FANCC: variants seen among roughly 807,000 people sequenced by gnomAD.
FANCC encodes FA complementation group C.
In FANCC, 55 loss-of-function variants were observed where a neutral mutation model predicts 71.3. The ratio of observed to expected loss-of-function variants is 0.77; its 90% confidence interval spans 0.62 to 0.97. FANCC has a LOEUF of 0.97. FANCC is among the 50% of genes least tolerant of loss of function. The pLI, the probability that FANCC is intolerant of heterozygous loss-of-function variation, is 0.00. For missense variants in FANCC, 678 were observed against 670.9 expected (o/e 1.01, Z -0.12); for synonymous variants, 275 against 244.9 (o/e 1.12, Z -1.15).
chr9:95,241,249 C>T (rs950680569), intron 3 of FANCC, among the ~76,000 whole-genome samples: 2 of 152,162 alleles, frequency 1.3e-5, no homozygotes, highest in Non-Finnish European at 2.9e-5. Context: ...AATAGCTCCA[C>T]TTGTTAAAAA....
intron 4 of FANCC, among the ~76,000 whole-genome samples, chr9:95,185,872 G>T (rs1260213114): frequency 6.6e-6 from 1 of 152,112 alleles, no homozygotes; most frequent in Non-Finnish European, 1.5e-5. Flanking sequence ...TGACAATTTT[G>T]CCTCTTTCAT....
At chr9:95,284,667 C>T (rs934140993) in intron 1 of FANCC, among the ~76,000 whole-genome samples, 1 of 152,062 alleles carries the variant, frequency 6.6e-6, no homozygotes, top group East Asian at 1.9e-4. Flanking sequence ...AATCTCAGCT[C>T]TGATCCACAC....
chr9:95,301,384 A>G (rs1271672507), intron 1 of FANCC, among the ~76,000 whole-genome samples: 1 of 152,168 alleles, frequency 6.6e-6, no homozygotes, highest in Non-Finnish European at 1.5e-5. Flanking sequence ...CTTCAAAAAT[A>G]AGTGCTGGTG....
chr9:95,239,771 A>G (rs4647443), intron 4 of FANCC, among the ~76,000 whole-genome samples: 69,648 of 152,038 alleles, frequency 0.46, 16,158 homozygotes, highest in East Asian at 0.59. Context: ...ATCTGTTAGC[A>G]ATTTTGTCTA....
At chr9:95,164,975 C>A (rs144886392) in intron 6 of FANCC, among the ~76,000 whole-genome samples, 2 of 152,134 alleles carry the variant, frequency 1.3e-5, no homozygotes, top group Admixed American at 6.5e-5. Context: ...AGTTGTAGGT[C>A]TGTTCAGATG....
At chr9:95,228,880 G>A (rs968335824) in intron 4 of FANCC, among the ~76,000 whole-genome samples, 2 of 152,162 alleles carry the variant, frequency 1.3e-5, no homozygotes, top group Admixed American at 6.5e-5. Context: ...GTGAGAATAT[G>A]AGAGAAAATC....
chr9:95,161,582 C>T (rs1830749408), intron 6 of FANCC, among the ~76,000 whole-genome samples: 1 of 152,150 alleles, frequency 6.6e-6, no homozygotes, highest in Non-Finnish European at 1.5e-5. Context: ...TTAGTTTACA[C>T]TTTCCTGAAA....
At chr9:95,226,387 T>C (rs889101749) in intron 4 of FANCC, among the ~76,000 whole-genome samples, 1 of 152,210 alleles carries the variant, frequency 6.6e-6, no homozygotes, top group African/African-American at 2.4e-5. Flanking sequence ...TAGTCCCTGA[T>C]CTATGCTCTA....
At chr9:95,107,611 G>A (rs575419756) in intron 13 of FANCC, 4 of 415,396 alleles carry the variant, frequency 9.6e-6, no homozygotes, top group East Asian at 4.4e-5. Flanking sequence ...TTGAAGACTC[G>A]CCTATCACAG....
intron 14 of FANCC, among the ~76,000 whole-genome samples, chr9:95,102,080 C>T (rs1000749740): frequency 2.6e-5 from 4 of 152,192 alleles, no homozygotes; most frequent in African/African-American, 4.8e-5. Context: ...CGAGCCTCCT[C>T]GCATTGAGCT....
intron 12 of FANCC, 103 bp from the exon 13 acceptor site, chr9:95,111,740 C>T: frequency 7.2e-7 from 1 of 1,385,038 alleles, no homozygotes; most frequent in South Asian, 1.2e-5. Context: ...TTAAATTGTA[C>T]TTATCCACTG....
At chr9:95,113,196 C>A (rs4647530) in intron 12 of FANCC, among the ~76,000 whole-genome samples, 1 of 152,150 alleles carries the variant, frequency 6.6e-6, no homozygotes, top group African/African-American at 2.4e-5. Flanking sequence ...TGGTCTCTGT[C>A]GGTAAGAATC....
At chr9:95,303,210 TTTTA>T (rs1834860368) in intron 1 of FANCC, among the ~76,000 whole-genome samples, 1 of 152,206 alleles carries the variant, frequency 6.6e-6, no homozygotes, top group Non-Finnish European at 1.5e-5. Context: ...GAATTTTGAA[TTTTA>T]TTTAATTTTA....
At chr9:95,202,560 G>T (rs73534874) in intron 4 of FANCC, among the ~76,000 whole-genome samples, 3,491 of 152,324 alleles carry the variant, frequency 0.023, 140 homozygotes, top group African/African-American at 0.08. Context: ...TATGCTCAGG[G>T]CGAAAGAACC....
At chr9:95,238,055 A>T (rs1421569843) in intron 4 of FANCC, among the ~76,000 whole-genome samples, 1 of 152,150 alleles carries the variant, frequency 6.6e-6, no homozygotes, top group Non-Finnish European at 1.5e-5. Context: ...ATGAATGAGC[A>T]CTCATTCTCC....
At chr9:95,251,325 A>T (rs770646156) in intron 1 of FANCC, among the ~76,000 whole-genome samples, 7 of 150,930 alleles carry the variant, frequency 4.6e-5, no homozygotes, top group Non-Finnish European at 1.0e-4. Context: ...TATGTTATGT[A>T]TTTTTTTTTA....
At chr9:95,286,293 C>CT (rs1833683173) in intron 1 of FANCC, among the ~76,000 whole-genome samples, 1 of 152,176 alleles carries the variant, frequency 6.6e-6, no homozygotes, top group African/African-American at 2.4e-5. Context: ...TAAACACAAA[C>CT]TGCCTTTTCC....
At chr9:95,267,482 C>T (rs188948734) in intron 1 of FANCC, among the ~76,000 whole-genome samples, 8 of 152,082 alleles carry the variant, frequency 5.3e-5, no homozygotes, top group Admixed American at 3.9e-4. Flanking sequence ...GAGAAAGAGG[C>T]GAAAAATGAC....
chr9:95,259,517 C>T (rs968902620), intron 1 of FANCC, among the ~76,000 whole-genome samples: 1 of 152,176 alleles, frequency 6.6e-6, no homozygotes, highest in African/African-American at 2.4e-5. Flanking sequence ...GGACCCCTTC[C>T]TTACACCTTA....
Sources: gnomAD v4.1 joint callset for allele counts (sites outside exome capture counted in the v4.1 genomes callset) on GRCh38, gnomAD v4.1.1 for gene constraint, MANE v1.5 for transcripts, NCBI Gene and HGNC (gene_info 2026-07-23, HGNC 2026-07-21) for gene names.